Variants in NPAS3 observed in about 807,000 individuals in gnomAD.
The protein encoded by NPAS3 is neuronal PAS domain protein 3, also known as neuronal PAS domain-containing protein 3.
In NPAS3, 14 loss-of-function variants were observed where a neutral mutation model predicts 73.1. The ratio of observed to expected loss-of-function variants is 0.19; its 90% CI spans 0.13 to 0.30. The LOEUF (loss-of-function observed/expected upper bound fraction) is 0.30. NPAS3 is among the 10% of genes least tolerant of loss of function. NPAS3 has a pLI of 1.00. For missense variants in NPAS3, 1,096 were observed against 1,250.0 expected, an observed-to-expected ratio of 0.88 and a Z score of 1.86; for synonymous variants, 620 against 541.5, an observed-to-expected ratio of 1.14 and a Z score of -2.01.
chr14:33,118,314 A>C (rs773993015), intron 2 of NPAS3, among the ~76,000 whole-genome samples: 72 of 152,166 alleles, frequency 4.7e-4, no homozygotes, highest in Admixed American at 2.0e-3. Flanking sequence ...GGAAAAAAGG[A>C]AACATTTTAA....
chr14:33,357,498 T>C (rs1027469629), intron 3 of NPAS3, among the ~76,000 whole-genome samples: 2 of 152,190 alleles, frequency 1.3e-5, no homozygotes, highest in Non-Finnish European at 2.9e-5. Context: ...GGTGACAACT[T>C]ACAGGGGAAA....
chr14:33,214,108 C>G (rs1157783794), intron 2 of NPAS3: 1 of 152,050 alleles, frequency 6.6e-6, no homozygotes, highest in Non-Finnish European at 1.5e-5. Context: ...TTTCAGAATT[C>G]AATAAAATGC....
intron 2 of NPAS3, among the ~76,000 whole-genome samples, chr14:33,065,112 G>C (rs1186895363): frequency 6.6e-6 from 1 of 152,172 alleles, no homozygotes; most frequent in Non-Finnish European, 1.5e-5. Flanking sequence ...GAGAACTAGT[G>C]ATATACTCAT....
At chr14:33,473,425 C>T (rs1468551667) in intron 4 of NPAS3, among the ~76,000 whole-genome samples, 2 of 152,082 alleles carry the variant, frequency 1.3e-5, no homozygotes, top group East Asian at 1.9e-4. Flanking sequence ...TGCGGATCAC[C>T]TAATTGGAAT....
chr14:33,154,386 A>G (rs1006364059), intron 2 of NPAS3, among the ~76,000 whole-genome samples: 1 of 152,248 alleles, frequency 6.6e-6, no homozygotes, highest in Non-Finnish European at 1.5e-5. Context: ...TGCTATGCCA[A>G]TATTCCAGAT....
At chr14:33,275,988 A>G (rs1453406788) in intron 3 of NPAS3, among the ~76,000 whole-genome samples, 1 of 152,150 alleles carries the variant, frequency 6.6e-6, no homozygotes, top group Non-Finnish European at 1.5e-5. Flanking sequence ...GAAAACACCA[A>G]GGGTACCTAC....
intron 5 of NPAS3, among the ~76,000 whole-genome samples, chr14:33,652,633 A>G (rs779440815): frequency 3.9e-5 from 6 of 152,190 alleles, no homozygotes; most frequent in Non-Finnish European, 5.9e-5. Flanking sequence ...AAACGAGATG[A>G]GGGACTTTTC....
At chr14:33,225,270 A>C (rs2047586800) in intron 3 of NPAS3, among the ~76,000 whole-genome samples, 1 of 152,212 alleles carries the variant, frequency 6.6e-6, no homozygotes, top group Non-Finnish European at 1.5e-5. Flanking sequence ...GTTTTCTTTA[A>C]AATTTATAAA....
At chr14:33,788,617 C>G (rs1321185881) in intron 9 of NPAS3, among the ~76,000 whole-genome samples, 1 of 152,142 alleles carries the variant, frequency 6.6e-6, no homozygotes, top group African/African-American at 2.4e-5. Context: ...GTAGAACAGC[C>G]CAACAGGAAG....
rs566578726 is a variant in NPAS3 at position 33,618,710 on chromosome 14, C to T, written c.559-57501C>T. Among the ~76,000 whole-genome samples, 99 of 152,292 alleles carry T rather than the reference C, an allele frequency of 6.5e-4. 1 individual carries two copies. Among genetic ancestry groups the T allele is most frequent in the Admixed American group, 1.0e-3 (16 of 15,294 alleles). ...CTAACCTGATTCTAGATTCCCTTCTCACATATTTGATAGCAATGAAATGTT... is the reference window on the plus strand; with the variant it reads ...CTAACCTGATTCTAGATTCCCTTCTTACATATTTGATAGCAATGAAATGTT... On this transcript the variant is annotated intron_variant, in intron 5 of 11. Coordinates refer to ENST00000356141, the Ensembl canonical transcript of NPAS3.
At chr14:33,470,829 G>C (rs1029152402) in intron 4 of NPAS3, among the ~76,000 whole-genome samples, 2 of 151,660 alleles carry the variant, frequency 1.3e-5, no homozygotes, top group Non-Finnish European at 2.9e-5. Context: ...GAAAGATGGT[G>C]ACCATTTCAG....
At chr14:33,621,283 G>A (rs948828391) in intron 5 of NPAS3, among the ~76,000 whole-genome samples, 1 of 152,106 alleles carries the variant, frequency 6.6e-6, no homozygotes, top group Non-Finnish European at 1.5e-5. Flanking sequence ...AGTGTTAAAT[G>A]TGATATTAAC....
At chr14:33,731,573 C>G (rs2140623548) in intron 6 of NPAS3, among the ~76,000 whole-genome samples, 1 of 152,222 alleles carries the variant, frequency 6.6e-6, no homozygotes. Context: ...CTAGGTGGCT[C>G]CCAGACACCT....
At chr14:33,380,245 T>A (rs2046487042) in intron 4 of NPAS3, among the ~76,000 whole-genome samples, 2 of 152,026 alleles carry the variant, frequency 1.3e-5, no homozygotes, top group Non-Finnish European at 2.9e-5. Flanking sequence ...ATGGTTTTCT[T>A]CTTCTGAGCC....
intron 1 of NPAS3, among the ~76,000 whole-genome samples, chr14:32,953,142 A>G (rs1389473523): frequency 2.0e-5 from 3 of 152,042 alleles, no homozygotes; most frequent in African/African-American, 7.2e-5. Context: ...AAAGAAAAAA[A>G]AAAAAACAGA....
intron 1 of NPAS3, among the ~76,000 whole-genome samples, chr14:32,950,994 A>C (rs2139139828): frequency 6.6e-6 from 1 of 152,258 alleles, no homozygotes. Context: ...TGTGTACTTA[A>C]GACAGAAGCC....
intron 3 of NPAS3, among the ~76,000 whole-genome samples, chr14:33,225,036 A>T (rs1303256599): frequency 6.6e-6 from 1 of 152,174 alleles, no homozygotes; most frequent in Non-Finnish European, 1.5e-5. Flanking sequence ...GTCCAAATGG[A>T]AACTTGTTAT....
chr14:33,698,419 T>C (rs1002432807), intron 6 of NPAS3, among the ~76,000 whole-genome samples: 4 of 152,214 alleles, frequency 2.6e-5, no homozygotes, highest in African/African-American at 9.6e-5. Context: ...GGTTATCTCA[T>C]TTATCATAGC....
Position 33,371,048 on chromosome 14 carries a change from G to A in NPAS3, c.468+3780G>A, listed in dbSNP as rs557587249. Among the ~76,000 whole-genome samples the A allele has an allele frequency of 2.0e-5, 3 of 152,198 alleles. No individual in the cohort carries two copies. The South Asian group carries it at 6.2e-4, about 32-fold the overall frequency. On this transcript the variant is annotated intron_variant, in intron 4 of 11. Transcript: ENST00000356141. ...GGTTACAGCCCTATGGAAATGATGT[G>A]GAGCAAAGAGAGGGTTAAGGAGAGC...
Sources: gnomAD v4.1 joint callset for allele counts (sites outside exome capture counted in the v4.1 genomes callset) on GRCh38, gnomAD v4.1.1 for gene constraint, MANE v1.5 for transcripts, NCBI Gene and HGNC (gene_info 2026-07-23, HGNC 2026-07-21) for gene names.